Variants in MDGA2 observed in about 807,000 individuals in gnomAD.
MDGA2 encodes MAM domain-containing glycosylphosphatidylinositol anchor protein 2.
A neutral mutation model predicts 117.8 loss-of-function variants in MDGA2; 40 were observed. The ratio of observed to expected loss-of-function variants is 0.34; its 90% CI spans 0.26 to 0.44. The LOEUF (loss-of-function observed/expected upper bound fraction) is 0.44, where lower values mean the gene tolerates loss of function less well. MDGA2 is among the 20% of genes least tolerant of loss of function. The probability of loss-of-function intolerance (pLI) is 1.00; values close to 1 mark genes in which losing one functional copy is unlikely to be tolerated. For synonymous variants in MDGA2, 452 were observed against 439.0 expected (o/e 1.03, Z -0.37); for missense variants, 1,123 against 1,250.6 (o/e 0.90, Z 1.54).
chr14:47,104,406 T>C (rs1412173050), intron 5 of MDGA2, among the ~76,000 whole-genome samples: 1 of 148,310 alleles, frequency 6.7e-6, no homozygotes, highest in Non-Finnish European at 1.5e-5. Flanking sequence ...TCCTGGCTCA[T>C]CCTGGCTCAA....
At chr14:47,034,935 C>A in intron 8 of MDGA2, 76 bp downstream of exon 8, 1 of 1,334,280 alleles carries the variant, frequency 7.5e-7, no homozygotes. Flanking sequence ...AAAATCACCT[C>A]ATATTAATAG....
At chr14:46,892,960 G>A (rs1882938395) in intron 10 of MDGA2, among the ~76,000 whole-genome samples, 1 of 151,854 alleles carries the variant, frequency 6.6e-6, no homozygotes, top group Admixed American at 6.6e-5. Flanking sequence ...TCCTTAAAAA[G>A]TTAAACATCG....
chr14:47,260,424 G>A (rs1032683443), intron 2 of MDGA2, among the ~76,000 whole-genome samples: 4 of 152,024 alleles, frequency 2.6e-5, no homozygotes, highest in Admixed American at 2.0e-4. Context: ...TCTTTACTGA[G>A]CCTCTAAAGG....
At chr14:47,449,667 AT>A (rs1893199173) in intron 1 of MDGA2, among the ~76,000 whole-genome samples, 1 of 152,170 alleles carries the variant, frequency 6.6e-6, no homozygotes, top group Non-Finnish European at 1.5e-5. Flanking sequence ...TAGCCAAAAA[AT>A]AACATGAAAG....
intron 10 of MDGA2, among the ~76,000 whole-genome samples, chr14:46,919,103 T>TA (rs1387330210): frequency 6.6e-6 from 1 of 152,184 alleles, no homozygotes; most frequent in African/African-American, 2.4e-5. Flanking sequence ...ACAAGTATTT[T>TA]ATTGTAAAAC....
intron 3 of MDGA2, chr14:47,200,534 C>CTTTTTTTTTTTTTTTTTTTTTTT (rs10639284): frequency 9.5e-6 from 4 of 421,914 alleles, no homozygotes; most frequent in East Asian, 4.2e-5. Flanking sequence ...TTTTTCTTTT[C>CTTTTTTTTTTTTTTTTTTTTTTT]TTTTTTTTTT....
At chr14:47,165,316 A>C (rs1221132943) in intron 3 of MDGA2, among the ~76,000 whole-genome samples, 2 of 152,210 alleles carry the variant, frequency 1.3e-5, no homozygotes, top group Non-Finnish European at 2.9e-5. Flanking sequence ...TAACTTTGTA[A>C]AAGACCTGTG....
At chr14:47,473,931 T>G (rs374214942) in intron 1 of MDGA2, among the ~76,000 whole-genome samples, 8 of 152,314 alleles carry the variant, frequency 5.3e-5, no homozygotes, top group African/African-American at 1.9e-4. Flanking sequence ...AAGACAAGTA[T>G]GCCCTCTCTC....
chr14:47,444,750 A>T (rs1893086110), intron 1 of MDGA2, among the ~76,000 whole-genome samples: 1 of 152,108 alleles, frequency 6.6e-6, no homozygotes, highest in African/African-American at 2.4e-5. Context: ...AAGTAATTAG[A>T]TGTAATGGTC....
chr14:47,660,501 G>C (rs576224398), intron 1 of MDGA2, among the ~76,000 whole-genome samples: 2 of 152,188 alleles, frequency 1.3e-5, no homozygotes, highest in Admixed American at 1.3e-4. Flanking sequence ...TGAGGTCTGA[G>C]GAACTCACTG....
chr14:46,936,755 A>G (rs957513032), intron 9 of MDGA2, among the ~76,000 whole-genome samples: 56 of 152,136 alleles, frequency 3.7e-4, no homozygotes, highest in African/African-American at 1.2e-3. Flanking sequence ...AAAGCTCTCA[A>G]TAAATTAGGT....
At chr14:47,273,350 T>G (rs1571106) in intron 2 of MDGA2, among the ~76,000 whole-genome samples, 139,835 of 152,162 alleles carry the variant, frequency 0.92, 64,415 homozygotes, top group East Asian at 1. Flanking sequence ...TGAATAACAA[T>G]ATTTTAGTGG....
At chr14:47,280,990 AAT>A (rs2139735869) in intron 2 of MDGA2, among the ~76,000 whole-genome samples, 1 of 147,710 alleles carries the variant, frequency 6.8e-6, no homozygotes, top group South Asian at 2.1e-4. Flanking sequence ...ATATATAATT[AAT>A]ATATTATATA....
chr14:47,234,343 G>A (rs987635350), intron 2 of MDGA2, among the ~76,000 whole-genome samples: 6 of 151,586 alleles, frequency 4.0e-5, no homozygotes, highest in Non-Finnish European at 8.8e-5. Context: ...AATACCATAA[G>A]GTAAATTATA....
chr14:47,230,110 G>A (rs1886639616), intron 2 of MDGA2, among the ~76,000 whole-genome samples: 2 of 151,740 alleles, frequency 1.3e-5, no homozygotes, highest in Admixed American at 1.3e-4. Context: ...TTTTATAATA[G>A]AATATAATCT....
At chr14:46,983,016 AG>A (rs1175661767) in intron 8 of MDGA2, among the ~76,000 whole-genome samples, 1 of 152,118 alleles carries the variant, frequency 6.6e-6, no homozygotes, top group East Asian at 1.9e-4. Flanking sequence ...TTTAGCATGA[AG>A]GGTTGTTGAA....
chr14:47,029,308 C>T, intron 8 of MDGA2, among the ~76,000 whole-genome samples: 1 of 152,142 alleles, frequency 6.6e-6, no homozygotes, highest in Admixed American at 6.6e-5. Context: ...GCTTGGGAAA[C>T]TGAAACAGGT....
intron 2 of MDGA2, among the ~76,000 whole-genome samples, chr14:47,247,760 T>A (rs1887296316): frequency 1.3e-5 from 2 of 151,202 alleles, no homozygotes; most frequent in Non-Finnish European, 3.0e-5. Flanking sequence ...GTCATCTACA[T>A]TAGGTATTTC....
intron 9 of MDGA2, among the ~76,000 whole-genome samples, chr14:46,941,420 G>T (rs148736936): frequency 6.6e-6 from 1 of 152,306 alleles, no homozygotes; most frequent in East Asian, 1.9e-4. Flanking sequence ...AGATCAGGCT[G>T]TGGGCTATCA....
Sources: allele counts gnomAD v4.1 joint callset (sites outside exome capture counted in the v4.1 genomes callset), GRCh38; gene constraint gnomAD v4.1.1; transcripts MANE v1.5; gene names NCBI Gene and HGNC (gene_info 2026-07-23, HGNC 2026-07-21).